PTPRM: variants seen among roughly 807,000 people sequenced by gnomAD.
The protein encoded by PTPRM is protein tyrosine phosphatase receptor type M.
PTPRM carries 47 observed loss-of-function variants against 186.7 expected under a neutral mutation model. The ratio of observed to expected loss-of-function variants is 0.25; its 90% CI spans 0.20 to 0.32. The LOEUF (loss-of-function observed/expected upper bound fraction) is 0.32, where lower values mean the gene tolerates loss of function less well. Among genes scored for constraint, PTPRM ranks in the 10% least tolerant of loss-of-function variants. PTPRM has a pLI of 1.00. For synonymous variants in PTPRM, 668 were observed against 674.9 expected (o/e 0.99, Z 0.16); for missense variants, 1,494 against 1,865.0 (o/e 0.80, Z 3.66).
chr18:8,343,335 G>A (rs2246146), intron 22 of PTPRM, 88 bp from the exon 23 acceptor site: 537,055 of 1,032,118 alleles, frequency 0.52, 142,080 homozygotes, highest in East Asian at 0.56. Context: ...CTGCATGTGG[G>A]TATTAATAGA....
In PTPRM at chr18:8,294,275, A is replaced by T. The variant is rs2095071523; in HGVS notation, c.2755-2093A>T. ...TCAAATTAAAAAAGAAAAAAGAAAT[A>T]CCCAAAACCAGGTAGTTTATAAAGG... is the stretch of plus-strand genomic sequence containing the variant. On this transcript the variant is annotated intron_variant, in intron 19 of 32. Transcript: ENST00000580170. 2.6e-5 allele frequency among the ~76,000 whole-genome samples: 4 copies of T among 152,062 alleles called. No individual in the cohort carries two copies. In the South Asian group the frequency reaches 8.3e-4, roughly 32 times the overall value.
intron 7 of PTPRM, among the ~76,000 whole-genome samples, chr18:7,986,419 C>T (rs967068538): frequency 6.6e-6 from 1 of 152,214 alleles, no homozygotes; most frequent in Non-Finnish European, 1.5e-5. Context: ...TTATTCAAAT[C>T]TGTGATTGCC....
intron 22 of PTPRM, among the ~76,000 whole-genome samples, chr18:8,325,989 G>C (rs2095373579): frequency 6.6e-6 from 1 of 152,100 alleles, no homozygotes; most frequent in Admixed American, 6.5e-5. Flanking sequence ...AAGTGTATCT[G>C]TTCCTGTTTT....
chr18:7,719,139 C>T (rs1398134351), intron 1 of PTPRM, among the ~76,000 whole-genome samples: 2 of 152,102 alleles, frequency 1.3e-5, no homozygotes, highest in African/African-American at 2.4e-5. Flanking sequence ...AAATACAGAA[C>T]CAATATAAAT....
chr18:8,328,233 C>G (rs1290104222), intron 22 of PTPRM, among the ~76,000 whole-genome samples: 1 of 152,228 alleles, frequency 6.6e-6, no homozygotes, highest in Non-Finnish European at 1.5e-5. Context: ...GCTGCACTCA[C>G]TTTCCTGGGC....
intron 14 of PTPRM, among the ~76,000 whole-genome samples, chr18:8,219,756 G>A (rs192070989): frequency 3.5e-4 from 54 of 152,310 alleles, no homozygotes; most frequent in Admixed American, 3.5e-3. Flanking sequence ...CTTGGAGTTA[G>A]CAGAAAGGAA....
intron 14 of PTPRM, among the ~76,000 whole-genome samples, chr18:8,237,446 T>TA (rs1421233379): frequency 3.4e-5 from 4 of 116,126 alleles, no homozygotes; most frequent in South Asian, 2.8e-4. Context: ...TTTTTTTTTT[T>TA]TTTTTTTTTT....
intron 1 of PTPRM, among the ~76,000 whole-genome samples, chr18:7,734,317 A>G (rs1250574018): frequency 6.6e-6 from 1 of 152,204 alleles, no homozygotes; most frequent in Non-Finnish European, 1.5e-5. Flanking sequence ...TTGAAAGCAA[A>G]TGAGGGCACA....
intron 20 of PTPRM, among the ~76,000 whole-genome samples, chr18:8,303,722 C>T (rs1357676743): frequency 6.6e-6 from 1 of 152,166 alleles, no homozygotes; most frequent in Non-Finnish European, 1.5e-5. Context: ...ATGAAACCAA[C>T]AGGAAGAGGA....
At chr18:7,598,918 C>T (rs1337596464) in intron 1 of PTPRM, among the ~76,000 whole-genome samples, 1 of 151,564 alleles carries the variant, frequency 6.6e-6, no homozygotes, top group African/African-American at 2.4e-5. Context: ...AACTCTATTT[C>T]TTGCAAGGAT....
chr18:8,161,875 C>A (rs982214057), intron 14 of PTPRM, among the ~76,000 whole-genome samples: 1 of 152,116 alleles, frequency 6.6e-6, no homozygotes, highest in African/African-American at 2.4e-5. Flanking sequence ...AGAACTTAGG[C>A]ATCAGTTATC....
In PTPRM at chr18:7,850,164, A is replaced by G. The variant is rs1381241987; in HGVS notation, c.197-37942A>G. Among the ~76,000 whole-genome samples, 4 of 152,344 alleles carry G rather than the reference A, an allele frequency of 2.6e-5. No homozygotes were observed. In the East Asian group the frequency reaches 7.7e-4, roughly 29 times the overall value. On this transcript the variant is annotated intron_variant, in intron 2 of 32. Transcript: ENST00000580170. ...AGTCTTGAATAAGAACTTATATTGT[A>G]TATGCATGTTTACAACAATTTTGTC...
chr18:7,896,019 C>T (rs550736835), intron 3 of PTPRM, among the ~76,000 whole-genome samples: 5 of 152,236 alleles, frequency 3.3e-5, no homozygotes, highest in East Asian at 3.9e-4. Context: ...TACAGCTAAT[C>T]GCAGGTTAAT....
chr18:8,364,634 C>T (rs955522933), intron 23 of PTPRM, among the ~76,000 whole-genome samples: 2 of 152,314 alleles, frequency 1.3e-5, no homozygotes, highest in Admixed American at 6.5e-5. Flanking sequence ...CATCCACCCT[C>T]TTCTCAGCGG....
chr18:7,844,346 T>G (rs1180938073), intron 2 of PTPRM, among the ~76,000 whole-genome samples: 2 of 152,204 alleles, frequency 1.3e-5, no homozygotes, highest in African/African-American at 2.4e-5. Context: ...CAGATCAAAG[T>G]CTAGGATCTC....
intron 2 of PTPRM, among the ~76,000 whole-genome samples, chr18:7,885,383 C>G (rs1046847015): frequency 4.6e-5 from 7 of 152,146 alleles, no homozygotes; most frequent in African/African-American, 1.7e-4. Context: ...ACCAAACCCC[C>G]CTTCTTGCCA....
At chr18:7,734,448 TTAATGTTA>T (rs2040725355) in intron 1 of PTPRM, among the ~76,000 whole-genome samples, 1 of 152,226 alleles carries the variant, frequency 6.6e-6, no homozygotes, top group Non-Finnish European at 1.5e-5. Flanking sequence ...ACTTAAGAGT[TTAATGTTA>T]TAATTAAGTC....
chr18:8,306,484 A>G (rs1394912589), intron 20 of PTPRM, among the ~76,000 whole-genome samples: 1 of 152,242 alleles, frequency 6.6e-6, no homozygotes, highest in Non-Finnish European at 1.5e-5. Flanking sequence ...ATGCTGGCAG[A>G]GAAATACAGA....
intron 2 of PTPRM, among the ~76,000 whole-genome samples, chr18:7,844,468 T>G (rs376361198): frequency 1.4e-4 from 22 of 152,126 alleles, no homozygotes; most frequent in African/African-American, 5.3e-4. Flanking sequence ...ACAAGTTATC[T>G]CCCTCCCACC....
Sources: allele counts gnomAD v4.1 joint callset (sites outside exome capture counted in the v4.1 genomes callset), GRCh38; gene constraint gnomAD v4.1.1; transcripts MANE v1.5; gene names NCBI Gene and HGNC (gene_info 2026-07-23, HGNC 2026-07-21).